Variants in DENND5B observed in about 807,000 individuals in gnomAD.
DENND5B encodes DENN domain containing 5B, also known as DENN domain-containing protein 5B.
DENND5B carries 34 observed loss-of-function variants against 140.6 expected under a neutral mutation model. The ratio of observed to expected loss-of-function variants is 0.24; its 90% CI spans 0.18 to 0.32. DENND5B has a LOEUF of 0.32. Among genes scored for constraint, DENND5B ranks in the 10% least tolerant of loss-of-function variants. The pLI is 1.00. For missense variants in DENND5B, 1,142 were observed against 1,560.2 expected, an observed-to-expected ratio of 0.73 and a Z score of 4.52; for synonymous variants, 551 against 562.1, an observed-to-expected ratio of 0.98 and a Z score of 0.28.
At chr12:31,495,283 T>C (rs1946712222) in intron 2 of DENND5B, among the ~76,000 whole-genome samples, 3 of 152,226 alleles carry the variant, frequency 2.0e-5, no homozygotes, top group Non-Finnish European at 4.4e-5. Flanking sequence ...TTAGGATCTA[T>C]TGTATAAACT....
rs1591997138 is a variant in DENND5B, at chr12:31,534,304, C to T, written c.128-38385G>A. 2.0e-5 allele frequency among the ~76,000 whole-genome samples: 3 copies of T among 152,164 alleles called. No homozygotes were observed. In the South Asian group the frequency reaches 6.2e-4, roughly 32 times the overall value. On this transcript the variant is annotated intron_variant, in intron 1 of 20. Transcript: ENST00000389082. ...CCTCCCAAGTAGCTGGGATTACAGA[C>T]ATGTGCCACGATACTCAGCTTTTTA...
chr12:31,583,159 G>A (rs776466999), intron 1 of DENND5B, among the ~76,000 whole-genome samples: 1 of 152,180 alleles, frequency 6.6e-6, no homozygotes. Flanking sequence ...AGGTGTGGTG[G>A]CGTGTGCCTG....
chr12:31,534,401 A>T (rs140100312), intron 1 of DENND5B, among the ~76,000 whole-genome samples: 3,121 of 152,196 alleles, frequency 0.021, 57 homozygotes, highest in South Asian at 0.052. Context: ...GCTGGTCTCG[A>T]ACTCCTGACC....
chr12:31,447,934 T>A (rs1944341289), intron 5 of DENND5B, among the ~76,000 whole-genome samples, 165 bp from the exon 6 acceptor site: 1 of 152,188 alleles, frequency 6.6e-6, no homozygotes, highest in Non-Finnish European at 1.5e-5. Context: ...TCCATTTTCC[T>A]AAATTTAGAG....
At chr12:31,451,166 G>A (rs1484167449) in intron 5 of DENND5B, among the ~76,000 whole-genome samples, 2 of 152,074 alleles carry the variant, frequency 1.3e-5, no homozygotes, top group Non-Finnish European at 2.9e-5. Context: ...CTAAATAAAT[G>A]ATTTCTAGAC....
chr12:31,440,529 G>A (rs1232111084), intron 7 of DENND5B, among the ~76,000 whole-genome samples: 2 of 152,130 alleles, frequency 1.3e-5, no homozygotes, highest in Non-Finnish European at 2.9e-5. Context: ...TGGTATAAAC[G>A]TGCATTTTCT....
At chr12:31,461,944 C>T (rs1406347196) in intron 3 of DENND5B, among the ~76,000 whole-genome samples, 1 of 152,106 alleles carries the variant, frequency 6.6e-6, no homozygotes, top group African/African-American at 2.4e-5. Flanking sequence ...AGGATGTTTT[C>T]CATTTAAATT....
At chr12:31,558,272 C>G (rs188528840) in intron 1 of DENND5B, among the ~76,000 whole-genome samples, 2 of 152,112 alleles carry the variant, frequency 1.3e-5, no homozygotes, top group African/African-American at 4.8e-5. Context: ...ACCCACCCCC[C>G]AACCCCCTTG....
chr12:31,531,332 T>C (rs774965052), intron 1 of DENND5B, among the ~76,000 whole-genome samples: 2 of 152,226 alleles, frequency 1.3e-5, no homozygotes, highest in Non-Finnish European at 2.9e-5. Flanking sequence ...CCCAAGTAGC[T>C]GGGATTACAG....
intron 1 of DENND5B, among the ~76,000 whole-genome samples, chr12:31,571,222 T>C (rs949317849): frequency 3.3e-5 from 5 of 152,242 alleles, no homozygotes; most frequent in African/African-American, 4.8e-5. Context: ...AGGTTTCTTA[T>C]ACCGTCTAAA....
chr12:31,505,213 T>C (rs1422464064), intron 1 of DENND5B, among the ~76,000 whole-genome samples: 4 of 151,542 alleles, frequency 2.6e-5, no homozygotes, highest in Admixed American at 1.3e-4. Flanking sequence ...ACGAGTACAG[T>C]TCTCCAAGTA....
intron 1 of DENND5B, among the ~76,000 whole-genome samples, chr12:31,582,040 A>G (rs1950226125): frequency 1.3e-5 from 2 of 152,196 alleles, no homozygotes; most frequent in African/African-American, 2.4e-5. Context: ...ACATGCAACC[A>G]CAATTTTTGG....
chr12:31,460,480 G>A (rs1271930388), intron 3 of DENND5B, 99 bp from the exon 4 acceptor site: 39 of 1,135,902 alleles, frequency 3.4e-5, no homozygotes, highest in South Asian at 5.0e-5. Context: ...AAATTTCTGC[G>A]TTAAAAGTAA....
At chr12:31,555,973 G>C (rs1307940782) in intron 1 of DENND5B, among the ~76,000 whole-genome samples, 5 of 152,220 alleles carry the variant, frequency 3.3e-5, no homozygotes, top group African/African-American at 1.2e-4. Flanking sequence ...TCTTTGACTA[G>C]GAAAGGGAAT....
intron 1 of DENND5B, among the ~76,000 whole-genome samples, chr12:31,521,732 G>A (rs1303260959): frequency 6.6e-6 from 1 of 152,086 alleles, no homozygotes; most frequent in African/African-American, 2.4e-5. Context: ...AGCCATTTAA[G>A]TAACTGCCTG....
intron 8 of DENND5B, chr12:31,432,368 CAA>C (rs937206012): frequency 6.6e-6 from 1 of 151,874 alleles, no homozygotes; most frequent in Non-Finnish European, 1.5e-5. Context: ...ACAACAAAAA[CAA>C]GAGATGTTTG....
intron 1 of DENND5B, among the ~76,000 whole-genome samples, chr12:31,521,867 ATCT>A (rs1011240042): frequency 6.6e-6 from 1 of 152,214 alleles, no homozygotes; most frequent in Admixed American, 6.5e-5. Flanking sequence ...TGCCAAAATC[ATCT>A]TCTTAATATG....
At chr12:31,547,579 GTA>G (rs1447540670) in intron 1 of DENND5B, among the ~76,000 whole-genome samples, 3 of 151,702 alleles carry the variant, frequency 2.0e-5, no homozygotes, top group African/African-American at 7.3e-5. Flanking sequence ...TGTATTTTTA[GTA>G]GAGATGGGGT....
At position 31,479,802 on chromosome 12, in the gene DENND5B, T is replaced by G; in HGVS notation, c.691A>C (p.Asn231His). The G allele has an allele frequency of 6.2e-7, 1 of 1,613,280 alleles. No individual in the cohort carries two copies. The highest frequency in any genetic ancestry group is 1.6e-4 in the Middle Eastern group (1 of 6,062). ...PPLPLESYIHNILYEVPLPPP... is the reference protein window; with the variant it reads ...PPLPLESYIHHILYEVPLPPP... ...GGAAGGGGTACTTCATAAAGAATAT[T>G]GTGGATATAGCTTTCAAGTGGCAAG... is the stretch of plus-strand genomic sequence containing the variant. Residue 231 changes from asparagine (N) to histidine (H), a missense_variant, in exon 3 of 21, where the codon AAT (asparagine) becomes CAT (histidine). Asn to His is a moderately conservative substitution (Grantham distance 68, BLOSUM62 1). This residue lies in a region of DENND5B where 708 missense variants were observed against 905.5 expected (regional missense o/e 0.78). Transcript: ENST00000389082.
Sources: allele counts gnomAD v4.1 joint callset (sites outside exome capture counted in the v4.1 genomes callset), GRCh38; gene constraint gnomAD v4.1.1; regional missense constraint gnomAD v4.1.1; transcripts MANE v1.5; gene names NCBI Gene and HGNC (gene_info 2026-07-23, HGNC 2026-07-21).